MARCHF1: variants seen among roughly 807,000 people sequenced by gnomAD.
MARCHF1 encodes the protein membrane associated ring-CH-type finger 1, also known as E3 ubiquitin-protein ligase MARCHF1.
MARCHF1 carries 40 observed loss-of-function variants against 54.2 expected under a neutral mutation model. The ratio of observed to expected loss-of-function variants is 0.74; its 90% CI spans 0.57 to 0.96. MARCHF1 has a LOEUF of 0.96. Among genes scored for constraint, MARCHF1 ranks in the 40% least tolerant of loss-of-function variants. MARCHF1 has a pLI of 0.00. For missense variants in MARCHF1, 586 were observed against 656.5 expected, an observed-to-expected ratio of 0.89 and a Z score of 1.17; for synonymous variants, 236 against 236.3, an observed-to-expected ratio of 1.00 and a Z score of 0.01.
intron 3 of MARCHF1, among the ~76,000 whole-genome samples, chr4:163,926,207 C>T (rs1751534206): frequency 6.6e-6 from 1 of 151,626 alleles, no homozygotes; most frequent in African/African-American, 2.4e-5. Flanking sequence ...AAACCATAGG[C>T]TAGTTTTGGC....
At chr4:163,669,334 C>T (rs150046077) in intron 5 of MARCHF1, among the ~76,000 whole-genome samples, 2 of 152,208 alleles carry the variant, frequency 1.3e-5, no homozygotes, top group East Asian at 3.9e-4. Flanking sequence ...AGTAGTACCA[C>T]TATTAATTTG....
At chr4:163,554,887 A>G (rs1264966538) in intron 8 of MARCHF1, among the ~76,000 whole-genome samples, 2 of 152,210 alleles carry the variant, frequency 1.3e-5, no homozygotes, top group South Asian at 2.1e-4. Flanking sequence ...TGCATATGTA[A>G]ATATATATGA....
intron 2 of MARCHF1, among the ~76,000 whole-genome samples, chr4:164,069,900 G>A (rs934330264): frequency 1.3e-5 from 2 of 152,194 alleles, no homozygotes; most frequent in Admixed American, 6.5e-5. Context: ...ATTGAAAAAT[G>A]TGGTACATAT....
intron 1 of MARCHF1, among the ~76,000 whole-genome samples, chr4:164,231,941 C>A (rs1397353623): frequency 6.6e-6 from 1 of 151,950 alleles, no homozygotes; most frequent in Non-Finnish European, 1.5e-5. Flanking sequence ...TTGAATTACC[C>A]CTAGTCATAT....
At chr4:163,989,697 T>C (rs773841567) in intron 2 of MARCHF1, among the ~76,000 whole-genome samples, 1 of 152,236 alleles carries the variant, frequency 6.6e-6, no homozygotes, top group Non-Finnish European at 1.5e-5. Context: ...TACATTAACT[T>C]TGTAAAAATA....
intron 1 of MARCHF1, among the ~76,000 whole-genome samples, chr4:164,352,636 G>A (rs1198931816): frequency 0.01 from 1,505 of 148,438 alleles, 27 homozygotes; most frequent in African/African-American, 0.032. Context: ...AGGAACAACC[G>A]GTACCAGCCG....
chr4:163,697,932 A>G (rs1356691065), intron 5 of MARCHF1, among the ~76,000 whole-genome samples: 1 of 152,194 alleles, frequency 6.6e-6, no homozygotes, highest in Non-Finnish European at 1.5e-5. Context: ...GTTCCAATTT[A>G]TTGGCTGAAA....
intron 2 of MARCHF1, among the ~76,000 whole-genome samples, chr4:164,038,846 C>T (rs1268807280): frequency 6.6e-6 from 1 of 152,056 alleles, no homozygotes; most frequent in Non-Finnish European, 1.5e-5. Flanking sequence ...GATTATTAAA[C>T]CTTACTTTTA....
chr4:164,215,481 C>T lies in MARCHF1; in HGVS notation c.-322-103819G>A, dbSNP rs573203552. Among the ~76,000 whole-genome samples the T allele has an allele frequency of 7.9e-5, 12 of 152,214 alleles. No individual in the cohort carries two copies. In the South Asian group the frequency reaches 1.0e-3, roughly 13 times the overall value. On this transcript the variant is annotated intron_variant, in intron 1 of 9. Transcript: ENST00000514618. ...GCCAGAGTAGTCTTGGGAAATGCAA[C>T]ATTTGGGCAGGAAAACAAAAATTCT... is the stretch of plus-strand genomic sequence containing the variant.
intron 1 of MARCHF1, among the ~76,000 whole-genome samples, chr4:164,143,875 G>A (rs970067232): frequency 6.6e-6 from 1 of 152,114 alleles, no homozygotes; most frequent in African/African-American, 2.4e-5. Context: ...GACACAGACT[G>A]GCAAATTGGA....
intron 1 of MARCHF1, among the ~76,000 whole-genome samples, chr4:164,354,206 C>T (rs1379807825): frequency 8.8e-6 from 1 of 113,822 alleles, no homozygotes; most frequent in African/African-American, 3.1e-5. Context: ...TGGTACCATT[C>T]GTTCTGAAAC....
chr4:163,721,976 A>T (rs978602263), intron 4 of MARCHF1, among the ~76,000 whole-genome samples: 7 of 151,704 alleles, frequency 4.6e-5, no homozygotes, highest in Admixed American at 1.3e-4. Flanking sequence ...GTTTCAAAAA[A>T]CCAGTTCCTG....
chr4:163,672,493 A>G (rs757231448), intron 5 of MARCHF1, among the ~76,000 whole-genome samples: 45 of 152,184 alleles, frequency 3.0e-4, no homozygotes, highest in Non-Finnish European at 2.8e-4. Context: ...TTTGTTTTAT[A>G]AGACTCTTTT....
chr4:163,898,200 T>A (rs1750857902), intron 3 of MARCHF1, among the ~76,000 whole-genome samples: 1 of 150,908 alleles, frequency 6.6e-6, no homozygotes, highest in African/African-American at 2.4e-5. Context: ...TGAGATTTAA[T>A]GAAACTAAAA....
chr4:163,776,199 A>C (rs1284505710), intron 4 of MARCHF1, among the ~76,000 whole-genome samples: 1 of 152,074 alleles, frequency 6.6e-6, no homozygotes, highest in African/African-American at 2.4e-5. Flanking sequence ...AAGTTTTATA[A>C]ATGAGAAAAT....
At chr4:163,544,007 T>A (rs1044844048) in intron 9 of MARCHF1, among the ~76,000 whole-genome samples, 35 of 152,168 alleles carry the variant, frequency 2.3e-4, no homozygotes, top group Admixed American at 2.3e-3. Context: ...TCTAAGGGTA[T>A]CATGTCTGCC....
chr4:164,332,110 AAAT>A lies in MARCHF1; in HGVS notation c.-323+51757_-323+51759del, dbSNP rs1192833362. ...TGTTCCTATTAAAGTTAAGACCAGA[AAAT>A]AATAATAAGTATGCAAACAGAAAGA... On this transcript the variant is annotated intron_variant, in intron 1 of 9. Transcript: ENST00000514618. Among the ~76,000 whole-genome samples the A allele has an allele frequency of 1.2e-4, 19 of 152,186 alleles. 1 individual carries two copies. The highest frequency in any genetic ancestry group is 5.9e-5 in the Non-Finnish European group (4 of 68,042).
intron 2 of MARCHF1, among the ~76,000 whole-genome samples, chr4:164,056,624 G>C (rs1259050933): frequency 6.6e-6 from 1 of 152,138 alleles, no homozygotes; most frequent in African/African-American, 2.4e-5. Context: ...TTAATAGATT[G>C]GGTAGAAGAA....
At chr4:163,655,858 T>C (rs1743120279) in intron 5 of MARCHF1, among the ~76,000 whole-genome samples, 2 of 152,008 alleles carry the variant, frequency 1.3e-5, no homozygotes, top group African/African-American at 4.8e-5. Context: ...TTGAAACTAA[T>C]GAAAACAAAG....
Sources: gnomAD v4.1 joint callset for allele counts (sites outside exome capture counted in the v4.1 genomes callset) on GRCh38, gnomAD v4.1.1 for gene constraint, MANE v1.5 for transcripts, NCBI Gene and HGNC (gene_info 2026-07-23, HGNC 2026-07-21) for gene names.